The following KCNJ3 variants were observed in gnomAD, a reference collection of about 807,000 sequenced individuals.
KCNJ3 encodes potassium inwardly rectifying channel subfamily J member 3.
A neutral mutation model predicts 39.2 loss-of-function variants in KCNJ3; 4 were observed. The observed-to-expected ratio is 0.10, with a 90% CI of 0.05 to 0.23. The LOEUF (loss-of-function observed/expected upper bound fraction) is 0.23, where lower values mean the gene tolerates loss of function less well. KCNJ3 is among the 10% of genes least tolerant of loss of function. The pLI is 1.00. For missense variants in KCNJ3, 276 were observed against 634.9 expected (o/e 0.43, Z 6.08); for synonymous variants, 230 against 237.4 (o/e 0.97, Z 0.29).
At chr2:154,742,849 T>G (rs1355815492) in intron 2 of KCNJ3, among the ~76,000 whole-genome samples, 1 of 151,826 alleles carries the variant, frequency 6.6e-6, no homozygotes, top group Non-Finnish European at 1.5e-5. Context: ...TGATAGTGTC[T>G]TTTGAAGCAA....
In KCNJ3 at chr2:154,857,852, G is replaced by T. The variant is rs1345577081; in HGVS notation, c.*2539G>T. 1 of 118,064 alleles carries T rather than the reference G, an allele frequency of 8.5e-6. No individual in the cohort carries two copies. Among genetic ancestry groups the T allele is most frequent in the African/African-American group, 3.3e-5 (1 of 29,994 alleles). The allele number at this position is 118,064 out of a possible 1,614,324, so 7.3% of individuals were successfully genotyped here. ...GCCAAGATTCTGCCACTGCACTCCAGCCTGGGTGACAGTGCGAGACTCCAT... is the reference window on the plus strand; with the variant it reads ...GCCAAGATTCTGCCACTGCACTCCATCCTGGGTGACAGTGCGAGACTCCAT... On this transcript the variant is annotated 3_prime_UTR_variant, in exon 3 of 3. Transcript: ENST00000295101.
chr2:154,746,745 T>A (rs903265823), intron 2 of KCNJ3, among the ~76,000 whole-genome samples: 9 of 151,330 alleles, frequency 5.9e-5, no homozygotes, highest in Non-Finnish European at 1.3e-4. Context: ...ACAAGAAAAT[T>A]CATAAAGTCT....
intron 2 of KCNJ3, among the ~76,000 whole-genome samples, chr2:154,834,589 C>T (rs1687416762): frequency 6.6e-6 from 1 of 151,848 alleles, no homozygotes. Flanking sequence ...ATTAGCCAAG[C>T]ATGGTGGCGG....
chr2:154,811,285 G>A (rs1428422810), intron 2 of KCNJ3, among the ~76,000 whole-genome samples: 1 of 152,058 alleles, frequency 6.6e-6, no homozygotes, highest in East Asian at 1.9e-4. Context: ...ATATTAAAAT[G>A]TGATAGGAGG....
chr2:154,816,335 T>C (rs1055250555), intron 2 of KCNJ3, among the ~76,000 whole-genome samples: 1 of 152,224 alleles, frequency 6.6e-6, no homozygotes, highest in Non-Finnish European at 1.5e-5. Flanking sequence ...CACTACAGTT[T>C]GGATGTCACT....
chr2:154,848,862 G>A (rs551637818), intron 2 of KCNJ3, among the ~76,000 whole-genome samples: 72 of 152,198 alleles, frequency 4.7e-4, no homozygotes, highest in Non-Finnish European at 7.6e-4. Flanking sequence ...CCTGAAGAAA[G>A]GTTCATTTCT....
chr2:154,725,108 A>T (rs1383798852), intron 2 of KCNJ3, among the ~76,000 whole-genome samples: 2 of 151,230 alleles, frequency 1.3e-5, no homozygotes, highest in Non-Finnish European at 3.0e-5. Flanking sequence ...ATATAACCTT[A>T]TTGGTATAAT....
chr2:154,698,701 T>G lies in KCNJ3; in HGVS notation c.-75T>G. 17 of 127,686 alleles carry G rather than the reference T, an allele frequency of 1.3e-4. No individual in the cohort carries two copies. The highest frequency in any genetic ancestry group is 2.6e-4 in the East Asian group (2 of 7,822). The allele number at this position is 127,686 out of a possible 1,614,324, so 7.9% of individuals were successfully genotyped here. A position where few individuals can be genotyped will look rare whatever the true frequency, so the allele number is the denominator to read the frequency against. ...CCTTTCCTCCCCCGCCCCCACCTCC[T>G]TATTGGTGCTAGTTTGCAGCGCCCA... On this transcript the variant is annotated 5_prime_UTR_variant, in exon 1 of 3. Transcript: ENST00000295101.
rs576933096 is a variant in KCNJ3 at position 154,830,090 on chromosome 2, G to A, written c.920-24637G>A. ...GTTCATCTGGAAAACCTTGAATTAC[G>A]TTATAAAAAGTGAAAATAGATAAGG... On this transcript the variant is annotated intron_variant, in intron 2 of 2. Transcript: ENST00000295101. 5.9e-5 allele frequency among the ~76,000 whole-genome samples: 9 copies of A among 152,216 alleles called. No individual in the cohort carries two copies. In the South Asian group the frequency reaches 1.2e-3, roughly 21 times the overall value.
chr2:154,751,309 T>G (rs1685841592), intron 2 of KCNJ3, among the ~76,000 whole-genome samples: 1 of 152,074 alleles, frequency 6.6e-6, no homozygotes, highest in Non-Finnish European at 1.5e-5. Context: ...AAGCTTTAGC[T>G]ATATCTCATA....
At chr2:154,832,087 C>T (rs1321946775) in intron 2 of KCNJ3, among the ~76,000 whole-genome samples, 1 of 152,054 alleles carries the variant, frequency 6.6e-6, no homozygotes, top group African/African-American at 2.4e-5. Context: ...TGAGAACTTA[C>T]CACCAATACA....
intron 2 of KCNJ3, among the ~76,000 whole-genome samples, chr2:154,814,498 G>A (rs1054076006): frequency 2.0e-5 from 3 of 152,028 alleles, no homozygotes; most frequent in African/African-American, 4.8e-5. Flanking sequence ...TTACCCTGGT[G>A]TGGTGGCAGG....
chr2:154,778,396 T>C (rs952514768), intron 2 of KCNJ3, among the ~76,000 whole-genome samples: 18 of 152,206 alleles, frequency 1.2e-4, no homozygotes, highest in African/African-American at 4.1e-4. Context: ...GATCAAATTA[T>C]CCCTTGAAAC....
chr2:154,753,572 T>G (rs1363588142), intron 2 of KCNJ3, among the ~76,000 whole-genome samples: 1 of 152,182 alleles, frequency 6.6e-6, no homozygotes. Context: ...TTTCGGATCC[T>G]GAATATTTTG....
chr2:154,700,917 T>G (rs925916972), intron 1 of KCNJ3, among the ~76,000 whole-genome samples: 4 of 152,206 alleles, frequency 2.6e-5, no homozygotes, highest in African/African-American at 9.6e-5. Flanking sequence ...TGGAAAATTA[T>G]CAACCTGGTT....
At chr2:154,804,340 A>G (rs1686873906) in intron 2 of KCNJ3, among the ~76,000 whole-genome samples, 1 of 152,156 alleles carries the variant, frequency 6.6e-6, no homozygotes, top group South Asian at 2.1e-4. Flanking sequence ...TTAGTGAAAA[A>G]GTAGTTAAAC....
chr2:154,759,274 G>C (rs547568368), intron 2 of KCNJ3, among the ~76,000 whole-genome samples: 1 of 151,870 alleles, frequency 6.6e-6, no homozygotes, highest in South Asian at 2.1e-4. Context: ...CTAATACTTT[G>C]ATCTTGTGTT....
intron 2 of KCNJ3, among the ~76,000 whole-genome samples, chr2:154,742,780 A>G (rs1349467950): frequency 6.6e-6 from 1 of 151,812 alleles, no homozygotes; most frequent in South Asian, 2.1e-4. Context: ...TCAATTCTTT[A>G]TCAGATATAT....
chr2:154,818,258 G>A (rs889333985), intron 2 of KCNJ3, among the ~76,000 whole-genome samples: 1 of 152,144 alleles, frequency 6.6e-6, no homozygotes, highest in Admixed American at 6.5e-5. Context: ...CTCAATTTCT[G>A]AAATTCTTCG....
Sources: gnomAD v4.1 joint callset for allele counts (sites outside exome capture counted in the v4.1 genomes callset) on GRCh38, gnomAD v4.1.1 for gene constraint, MANE v1.5 for transcripts, NCBI Gene and HGNC (gene_info 2026-07-23, HGNC 2026-07-21) for gene names.